Variants in FAT1 observed in about 807,000 individuals in gnomAD.
FAT1 encodes FAT atypical cadherin 1, also known as protocadherin Fat 1.
FAT1 carries 171 observed loss-of-function variants against 329.8 expected under a neutral mutation model. That is an observed-to-expected ratio of 0.52 (90% CI 0.46 to 0.59). The LOEUF is 0.59. FAT1 is among the 20% of genes least tolerant of loss of function. The pLI is 0.00. For missense variants in FAT1, 5,672 were observed against 5,774.4 expected (o/e 0.98, Z 0.57); for synonymous variants, 2,233 against 2,228.6 (o/e 1.00, Z -0.06).
At chr4:186,638,615 G>GCACACACACACACACACA (rs35176185) in intron 4 of FAT1, among the ~76,000 whole-genome samples, 2 of 140,040 alleles carry the variant, frequency 1.4e-5, no homozygotes, top group Admixed American at 1.4e-4. Flanking sequence ...AGTTCCCAAT[G>GCACACACACACACACACA]CACACACACA....
At position 186,600,360 on chromosome 4, in the gene FAT1, T is replaced by G. The variant is rs780268191; in HGVS notation, c.11641A>C (p.Ile3881Leu). The change falls in exon 22 of 27, where the codon ATT (isoleucine) becomes CTT (leucine). Residue 3881 changes from isoleucine (I) to leucine (L), a missense_variant and splice_region_variant. By Grantham distance (5) the Ile-to-Leu change is conservative. Coordinates refer to ENST00000441802, the MANE Select transcript of FAT1 (RefSeq NM_005245.4). Reference protein sequence around the residue: ...ARGTDYSILEIHHGRLQYKFD... With the variant: ...ARGTDYSILELHHGRLQYKFD... ...TTGTACTGCAGCCTTCCATGATGAA[T>G]CTAGGATAAAAGCAATGACTGTTCA... is the stretch of plus-strand genomic sequence containing the variant. The G allele has an allele frequency of 6.8e-6, 11 of 1,607,382 alleles. No individual in the cohort carries two copies. In the Admixed American group the frequency reaches 1.9e-4, roughly 27 times the overall value.
At position 186,617,693 on chromosome 4, in the gene FAT1, A is replaced by G. The variant is rs1324803310; in HGVS notation, c.8878+15T>C. 1 of 1,528,936 alleles carries G rather than the reference A, an allele frequency of 6.5e-7. No homozygotes were observed. Among genetic ancestry groups the G allele is most frequent in the Non-Finnish European group, 8.8e-7 (1 of 1,135,054 alleles). The allele number at this position is 1,528,936 out of a possible 1,614,324, so 94.7% of individuals were successfully genotyped here. ...TTTTAAATTAATTAAACCGTTTGGT[A>G]TGAATTTTTTTTACCTGTTATGAAA... On this transcript the variant is annotated intron_variant, in intron 10 of 26. Coordinates refer to ENST00000441802, the MANE Select transcript of FAT1 (RefSeq NM_005245.4).
Position 186,628,589 on chromosome 4 carries a change from G to C in FAT1, c.4498C>G (p.Leu1500Val), listed in dbSNP as rs1401316174. The C allele has an allele frequency of 1.2e-6, 2 of 1,613,862 alleles. No homozygotes were observed. The highest frequency in any genetic ancestry group is 1.7e-6 in the Non-Finnish European group (2 of 1,179,906). The stretch of plus-strand genomic sequence containing the variant: ...TCAAGACGAAATTTCTTGAGACTCA[G>C]TGGATCTCTACTGCTCTGCAGAGTG... Reference protein sequence around the residue: ...IYTLQSSRDPLSLKKFRLDPA... With the variant: ...IYTLQSSRDPVSLKKFRLDPA... Residue 1500 changes from leucine to valine, a missense_variant, in exon 8 of 27, where the codon CTG (leucine) becomes GTG (valine). By Grantham distance (32) the Leu-to-Val change is conservative. Transcript: ENST00000441802.
In FAT1 at chr4:186,707,776, T is replaced by C; in HGVS notation, c.2052A>G (p.Ala684=). Residue 684 remains alanine, a synonymous_variant, in exon 2 of 27, where the codon GCA becomes GCG. Transcript: ENST00000441802. Reference sequence around the variant, plus strand: ...ATTTATTTGCCTGCAGGAGCTTCTCTGCCAGCATTTTGGCAACACCAGTCT... The same window carrying C: ...ATTTATTTGCCTGCAGGAGCTTCTCCGCCAGCATTTTGGCAACACCAGTCT... ...CEETGVAKML[A]EKLLQANKLH... is the part of the protein sequence containing the mutation. The C allele has an allele frequency of 2.5e-6, 4 of 1,613,790 alleles. No individual in the cohort carries two copies. The highest frequency in any genetic ancestry group is 3.4e-6 in the Non-Finnish European group (4 of 1,179,898).
rs2126487457 is a variant in FAT1, at chr4:186,617,743, T to G, written c.8843A>C (p.Glu2948Ala). Residue 2948 changes from glutamate to alanine, a missense_variant, in exon 10 of 27, where the codon GAA becomes GCA. Glu to Ala is a moderately radical substitution (Grantham distance 107, BLOSUM62 -1). Around this residue, in one of 2 missense-constraint regions of FAT1, gnomAD observed 3,966 missense variants for 3,915.2 expected, o/e 1.01. Coordinates refer to ENST00000441802, the MANE Select transcript of FAT1 (RefSeq NM_005245.4). ...ATATGTAACTTGTCTGTTGATCTCT[T>G]CAGAATCAGCATCCGTGGTACTTAA... ...AILSTTDADS[E>A]EINRQVTYFI... 6.2e-7 allele frequency: 1 copy of G among 1,607,362 alleles called. No individual in the cohort carries two copies. Among genetic ancestry groups the G allele is most frequent in the Non-Finnish European group, 8.5e-7 (1 of 1,175,754 alleles).
chr4:186,649,590 T>C (rs28377367), intron 3 of FAT1, among the ~76,000 whole-genome samples: 57,763 of 151,948 alleles, frequency 0.38, 11,397 homozygotes, highest in Middle Eastern at 0.43. Flanking sequence ...TGATGACAGA[T>C]GCAGAGACTG....
intron 2 of FAT1, among the ~76,000 whole-genome samples, chr4:186,697,413 C>G (rs1272003412): frequency 6.6e-6 from 1 of 152,208 alleles, no homozygotes; most frequent in African/African-American, 2.4e-5. Flanking sequence ...AGAAACCGAT[C>G]CCCATGCTCT....
Position 186,699,693 on chromosome 4 carries a change from T to G in FAT1, c.3265+6870A>C, listed in dbSNP as rs6843324. ...TTTATAAGCAGCATGGTCTGCTGTT[T>G]GAAAAAAAAAAAAAAATGCCAGAAA... is the stretch of plus-strand genomic sequence containing the variant. On this transcript the variant is annotated intron_variant, in intron 2 of 26. Coordinates refer to ENST00000441802, the MANE Select transcript of FAT1 (RefSeq NM_005245.4). Among the ~76,000 whole-genome samples the G allele has an allele frequency of 1.7e-3, 193 of 113,356 alleles. 1 individual carries two copies. The highest frequency in any genetic ancestry group is 4.5e-3 in the African/African-American group (109 of 24,288). The allele number at this position is 113,356 out of a possible 152,430, so 74.4% of individuals were successfully genotyped here.
rs1237332323 is a variant in FAT1 at position 186,620,704 on chromosome 4, C to A, written c.5882G>T (p.Gly1961Val). ...CACATTAATTTTGACAGAGGTAAGG[C>A]CGGCAAATCTGCCATCGGAAGCTCT... Reference protein sequence around the residue: ...TVRASDGRFAGLTSVKINVKE... With the variant: ...TVRASDGRFAVLTSVKINVKE... The change falls in exon 10 of 27, where the codon GGC (glycine) becomes GTC (valine). Residue 1961 changes from glycine to valine, a missense_variant. Transcript: ENST00000441802. The A allele has an allele frequency of 6.2e-7, 1 of 1,613,980 alleles. No individual in the cohort carries two copies.
intron 4 of FAT1, among the ~76,000 whole-genome samples, chr4:186,637,418 A>C (rs1330860401): frequency 6.6e-6 from 1 of 152,210 alleles, no homozygotes; most frequent in Non-Finnish European, 1.5e-5. Context: ...GTATGTGTTA[A>C]ATAAATAGTA....
In FAT1 at chr4:186,619,289, T is replaced by G; in HGVS notation, c.7297A>C (p.Asn2433His). The G allele has an allele frequency of 6.2e-7, 1 of 1,614,026 alleles. No homozygotes were observed. Among genetic ancestry groups the G allele is most frequent in the Non-Finnish European group, 8.5e-7 (1 of 1,179,894 alleles). Residue 2433 changes from asparagine to histidine, a missense_variant, in exon 10 of 27, where the codon AAT becomes CAT. Around this residue, in one of 2 missense-constraint regions of FAT1, gnomAD observed 3,966 missense variants for 3,915.2 expected, o/e 1.01. Transcript: ENST00000441802. The stretch of plus-strand genomic sequence containing the variant: ...TCAATGACAAAATGTTTATGATCAT[T>G]GCCAGACAGAATGGAATACTGCAAC... The part of the protein sequence containing the change: ...DKLQYSILSG[N>H]DHKHFVIDSA...
chr4:186,603,168 TGCA>T lies in FAT1; in HGVS notation c.11350+5_11350+7del. ...TGACACCGACTTTCATACACTCATG[TGCA>T]GTACCTTTGCAGAGACACACCGCTG... On this transcript the variant is annotated splice_donor_5th_base_variant and intron_variant, in intron 19 of 26. Coordinates refer to ENST00000441802, the MANE Select transcript of FAT1 (RefSeq NM_005245.4). The T allele has an allele frequency of 6.2e-7, 1 of 1,613,572 alleles. No homozygotes were observed. The highest frequency in any genetic ancestry group is 1.1e-5 in the South Asian group (1 of 91,032).
intron 7 of FAT1, among the ~76,000 whole-genome samples, 166 bp from the exon 8 acceptor site, chr4:186,628,929 C>T (rs527295479): frequency 4.1e-4 from 63 of 152,322 alleles, no homozygotes; most frequent in Non-Finnish European, 6.9e-4. Flanking sequence ...AAACATTTCT[C>T]ATTGGTATAT....
intron 2 of FAT1, among the ~76,000 whole-genome samples, chr4:186,667,076 AAT>A (rs1742476133): frequency 6.6e-6 from 1 of 152,250 alleles, no homozygotes; most frequent in African/African-American, 2.4e-5. Context: ...ACTCATACAC[AAT>A]AGCTTTCTCT....
rs1477547051 is a variant in FAT1 at position 186,618,010 on chromosome 4, G to C, written c.8576C>G (p.Ser2859Cys). 4 of 1,613,878 alleles carry C rather than the reference G, an allele frequency of 2.5e-6. No individual in the cohort carries two copies. The Admixed American group carries it at 6.7e-5, about 27-fold the overall frequency. The change falls in exon 10 of 27, where the codon TCC (serine) becomes TGC (cysteine). Residue 2859 changes from serine to cysteine, a missense_variant. Physicochemically the swap from Ser to Cys is moderately radical, Grantham distance 112. This residue lies in a region of FAT1 where 3,966 missense variants were observed against 3,915.2 expected (regional missense o/e 1.01). Transcript: ENST00000441802. ...DQSQSVEVIESFAINMETGWI... is the reference protein window; with the variant it reads ...DQSQSVEVIECFAINMETGWI... ...GCCTGTTTCCATGTTAATGGCAAAG[G>C]ATTCAATGACTTCCACACTTTGTGA...
chr4:186,596,439 T>TCTAA lies in FAT1; in HGVS notation c.13000+100_13000+101insTTAG. 7.6e-7 allele frequency: 1 copy of TCTAA among 1,307,856 alleles called. No individual in the cohort carries two copies. The highest frequency in any genetic ancestry group is 1.1e-6 in the Non-Finnish European group (1 of 950,546). The allele number at this position is 1,307,856 out of a possible 1,614,324, so 81.0% of individuals were successfully genotyped here. On this transcript the variant is annotated intron_variant, in intron 25 of 26. Coordinates refer to ENST00000441802, the MANE Select transcript of FAT1 (RefSeq NM_005245.4). The surrounding 1 kb of genome is among the most constrained non-coding windows in gnomAD (Gnocchi z 4.7). ...CATACGGATTTCAGTCTGAGCATAC[T>TCTAA]TGTCTCTAATGAAGAGTACACACAT...
Position 186,588,534 on chromosome 4 carries a change from G to T in FAT1, c.*58C>A. 1 of 1,551,182 alleles carries T rather than the reference G, an allele frequency of 6.4e-7. No individual in the cohort carries two copies. ...AAGCACTGCTGCAAAGAACAGCGCG[G>T]ATTACTCACATCACCTCTAGGTTCA... On this transcript the variant is annotated 3_prime_UTR_variant, in exon 27 of 27. Transcript: ENST00000441802.
chr4:186,692,905 T>C (rs1168820460), intron 2 of FAT1, among the ~76,000 whole-genome samples: 1 of 152,170 alleles, frequency 6.6e-6, no homozygotes, highest in Non-Finnish European at 1.5e-5. Flanking sequence ...AGACACTCCA[T>C]CTCTCCGCCT....
chr4:186,610,250 T>A (rs116858819), intron 14 of FAT1, among the ~76,000 whole-genome samples: 1 of 152,150 alleles, frequency 6.6e-6, no homozygotes, highest in Non-Finnish European at 1.5e-5. Flanking sequence ...TTAAATTGCT[T>A]TTCCAGTCAA....
Sources: gnomAD v4.1 joint callset for allele counts (sites outside exome capture counted in the v4.1 genomes callset) on GRCh38, gnomAD v4.1.1 for gene constraint, gnomAD v4.1.1 regional missense constraint, Gnocchi (gnomAD v3.1) non-coding constraint, MANE v1.5 for transcripts, NCBI Gene and HGNC (gene_info 2026-07-23, HGNC 2026-07-21) for gene names.